Variants in DPYD observed in about 807,000 individuals in gnomAD.
DPYD encodes the protein dihydropyrimidine dehydrogenase [NADP(+)].
DPYD carries 109 observed loss-of-function variants against 116.2 expected under a neutral mutation model. The observed-to-expected ratio is 0.94, with a 90% CI of 0.80 to 1.10. The LOEUF (loss-of-function observed/expected upper bound fraction) is 1.10, where lower values mean the gene tolerates loss of function less well. Ranked by LOEUF, DPYD falls within the 50% of genes least tolerant of loss-of-function variation. DPYD has a pLI of 0.00. For missense variants in DPYD, 1,302 were observed against 1,254.5 expected (o/e 1.04, Z -0.57); for synonymous variants, 440 against 432.0 (o/e 1.02, Z -0.23).
At chr1:97,441,584 T>G (rs1675799131) in intron 14 of DPYD, among the ~76,000 whole-genome samples, 1 of 152,172 alleles carries the variant, frequency 6.6e-6, no homozygotes, top group South Asian at 2.1e-4. Flanking sequence ...ATGTCTTAGC[T>G]TTTTGAACAT....
intron 3 of DPYD, among the ~76,000 whole-genome samples, chr1:97,752,615 T>C (rs370652199): frequency 2.0e-5 from 3 of 152,304 alleles, no homozygotes; most frequent in African/African-American, 7.2e-5. Flanking sequence ...CATAGTTCCA[T>C]GTGTAGGTCA....
At chr1:97,341,854 G>A (rs1468457285) in intron 16 of DPYD, among the ~76,000 whole-genome samples, 2 of 152,148 alleles carry the variant, frequency 1.3e-5, no homozygotes, top group African/African-American at 4.8e-5. Context: ...CATGTTGAGT[G>A]ACATCAGGTT....
chr1:97,173,301 TACATATATATGC>T (rs1408615755), intron 20 of DPYD, among the ~76,000 whole-genome samples: 5 of 147,552 alleles, frequency 3.4e-5, no homozygotes, highest in African/African-American at 5.2e-5. Context: ...TACACATATG[TACATATATATGC>T]ACACATATAT....
intron 20 of DPYD, among the ~76,000 whole-genome samples, chr1:97,153,492 A>G (rs1229654518): frequency 6.6e-6 from 1 of 152,114 alleles, no homozygotes; most frequent in Non-Finnish European, 1.5e-5. Context: ...TTACACAAAA[A>G]TCAACTCAAG....
At chr1:97,894,794 TG>T (rs1672969772) in intron 1 of DPYD, among the ~76,000 whole-genome samples, 4 of 151,670 alleles carry the variant, frequency 2.6e-5, no homozygotes, top group African/African-American at 7.2e-5. Flanking sequence ...TAACCTATAC[TG>T]TACTTTATTT....
chr1:97,358,715 G>C (rs1214898079), intron 16 of DPYD, among the ~76,000 whole-genome samples: 1 of 152,082 alleles, frequency 6.6e-6, no homozygotes, highest in Non-Finnish European at 1.5e-5. Flanking sequence ...TGTAGCTGAG[G>C]GACCTGACTA....
intron 14 of DPYD, among the ~76,000 whole-genome samples, chr1:97,446,099 C>A (rs1182905841): frequency 6.6e-6 from 1 of 151,996 alleles, no homozygotes; most frequent in Non-Finnish European, 1.5e-5. Flanking sequence ...CACTTTGGAC[C>A]AAAAGAAATC....
intron 1 of DPYD, among the ~76,000 whole-genome samples, chr1:97,891,317 T>C (rs1185389074): frequency 6.6e-6 from 1 of 151,928 alleles, no homozygotes; most frequent in Non-Finnish European, 1.5e-5. Context: ...ACAGGGTACA[T>C]TACTTATACA....
chr1:97,383,782 A>T (rs1672133906), intron 14 of DPYD, among the ~76,000 whole-genome samples: 1 of 152,140 alleles, frequency 6.6e-6, no homozygotes, highest in African/African-American at 2.4e-5. Flanking sequence ...GATACACGTA[A>T]GTAATTATTT....
intron 3 of DPYD, among the ~76,000 whole-genome samples, chr1:97,822,378 AAT>A (rs1668992163): frequency 6.8e-6 from 1 of 147,820 alleles, no homozygotes; most frequent in South Asian, 2.1e-4. Flanking sequence ...TAAAATTCTA[AAT>A]ATGAATATAT....
At chr1:97,248,917 AT>A (rs1280305470) in intron 18 of DPYD, among the ~76,000 whole-genome samples, 1 of 152,210 alleles carries the variant, frequency 6.6e-6, no homozygotes, top group Non-Finnish European at 1.5e-5. Context: ...TACACTAAAA[AT>A]ATTTTGTAAA....
chr1:97,825,250 T>C (rs1377850066), intron 3 of DPYD, among the ~76,000 whole-genome samples: 1 of 152,080 alleles, frequency 6.6e-6, no homozygotes, highest in Non-Finnish European at 1.5e-5. Context: ...GATTCAAGAC[T>C]GCACAGCAAA....
chr1:97,765,431 A>T (rs1665795272), intron 3 of DPYD, among the ~76,000 whole-genome samples: 1 of 152,236 alleles, frequency 6.6e-6, no homozygotes, highest in Non-Finnish European at 1.5e-5. Flanking sequence ...GTATAAGCTC[A>T]CAGGACACAG....
At chr1:97,504,566 G>A (rs1420527863) in intron 13 of DPYD, among the ~76,000 whole-genome samples, 3 of 151,890 alleles carry the variant, frequency 2.0e-5, no homozygotes, top group African/African-American at 4.8e-5. Context: ...AGCACCATAG[G>A]GAAGAGTTCC....
At chr1:97,186,358 C>T (rs915888789) in intron 20 of DPYD, among the ~76,000 whole-genome samples, 4 of 152,032 alleles carry the variant, frequency 2.6e-5, no homozygotes, top group Admixed American at 1.3e-4. Flanking sequence ...ACATTGTACC[C>T]GTTAAGCAAT....
At chr1:97,423,802 T>C (rs1185543409) in intron 14 of DPYD, among the ~76,000 whole-genome samples, 1 of 152,162 alleles carries the variant, frequency 6.6e-6, no homozygotes, top group East Asian at 1.9e-4. Flanking sequence ...CTTTACTTTC[T>C]AGTCCTCTTC....
intron 18 of DPYD, among the ~76,000 whole-genome samples, chr1:97,304,931 G>C (rs1376776486): frequency 6.6e-6 from 1 of 151,756 alleles, no homozygotes. Flanking sequence ...ATTATAATGA[G>C]GGTACTTATA....
At chr1:97,424,488 T>A (rs1325444400) in intron 14 of DPYD, among the ~76,000 whole-genome samples, 6 of 152,138 alleles carry the variant, frequency 3.9e-5, no homozygotes, top group African/African-American at 1.4e-4. Flanking sequence ...GAAAGAAGCA[T>A]CCTTTACTCC....
chr1:97,253,440 A>C lies in DPYD; in HGVS notation c.2300-18446T>G, dbSNP rs571714537. On this transcript the variant is annotated intron_variant, in intron 18 of 22. Coordinates refer to ENST00000370192, the MANE Select transcript of DPYD (RefSeq NM_000110.4). ...ATGTCTCAACTAACTCTTTCAATAAACTTAGATATGTGAGGGTATTGTTTT... is the reference window on the plus strand; with the variant it reads ...ATGTCTCAACTAACTCTTTCAATAACCTTAGATATGTGAGGGTATTGTTTT... Among the ~76,000 whole-genome samples, 79 of 152,266 alleles carry C rather than the reference A, an allele frequency of 5.2e-4. No homozygotes were observed. The South Asian group carries it at 0.011, about 22-fold the overall frequency.
Sources: allele counts gnomAD v4.1 joint callset (sites outside exome capture counted in the v4.1 genomes callset), GRCh38; gene constraint gnomAD v4.1.1; transcripts MANE v1.5; gene names NCBI Gene and HGNC (gene_info 2026-07-23, HGNC 2026-07-21).